The following ASTN2 variants were observed in gnomAD, a reference collection of about 807,000 sequenced individuals.
The protein encoded by ASTN2 is astrotactin 2.
Under a neutral mutation model 139.8 loss-of-function variants are expected in ASTN2, and 54 were observed. The ratio of observed to expected loss-of-function variants is 0.39; its 90% CI spans 0.31 to 0.48. The LOEUF is 0.48. Among genes scored for constraint, ASTN2 ranks in the 20% least tolerant of loss-of-function variants. ASTN2 has a pLI of 0.95. For missense variants in ASTN2, 1,565 were observed against 1,725.1 expected (o/e 0.91, Z 1.64); for synonymous variants, 756 against 719.5 (o/e 1.05, Z -0.81).
At chr9:116,935,295 A>G (rs1187315754) in intron 10 of ASTN2, among the ~76,000 whole-genome samples, 1 of 152,226 alleles carries the variant, frequency 6.6e-6, no homozygotes, top group African/African-American at 2.4e-5. Context: ...ATACCAGAAT[A>G]TGAGTCTTAT....
chr9:117,238,864 A>G (rs1564497827), intron 2 of ASTN2, among the ~76,000 whole-genome samples: 1 of 152,206 alleles, frequency 6.6e-6, no homozygotes, highest in African/African-American at 2.4e-5. Flanking sequence ...GCAAGGTATC[A>G]CCCTGCCAAG....
intron 13 of ASTN2, among the ~76,000 whole-genome samples, chr9:116,777,293 A>G (rs977859915): frequency 6.6e-6 from 1 of 152,110 alleles, no homozygotes; most frequent in Non-Finnish European, 1.5e-5. Flanking sequence ...GGGAAGGTAC[A>G]TTTTTTAGAT....
chr9:117,225,094 G>C (rs555334969), intron 2 of ASTN2, among the ~76,000 whole-genome samples: 3 of 152,104 alleles, frequency 2.0e-5, no homozygotes, highest in South Asian at 4.1e-4. Context: ...TTTATTTCTG[G>C]TTGAATTTGA....
chr9:117,402,926 C>T (rs895115433), intron 1 of ASTN2, among the ~76,000 whole-genome samples: 1 of 151,930 alleles, frequency 6.6e-6, no homozygotes, highest in Non-Finnish European at 1.5e-5. Context: ...GCCAGGTGAA[C>T]GAGGAATACA....
At chr9:116,602,426 A>C (rs1204248627) in intron 19 of ASTN2, among the ~76,000 whole-genome samples, 2 of 152,174 alleles carry the variant, frequency 1.3e-5, no homozygotes, top group Non-Finnish European at 2.9e-5. Context: ...AAGGAGAGAG[A>C]TTATATGTAG....
At chr9:116,836,739 C>A (rs1213808511) in intron 11 of ASTN2, among the ~76,000 whole-genome samples, 2 of 152,028 alleles carry the variant, frequency 1.3e-5, no homozygotes, top group Non-Finnish European at 2.9e-5. Context: ...AAGGCTTCAG[C>A]TGGTCTGCAA....
Position 116,627,017 on chromosome 9 carries a change from G to A in ASTN2, c.3073-6574C>T, listed in dbSNP as rs534248997. ...AGGAGATAGGGCACAGGGGCTGGAGGCCCCATTCCTTAGGAATGAAACAAG... is the reference window on the plus strand; with the variant it reads ...AGGAGATAGGGCACAGGGGCTGGAGACCCCATTCCTTAGGAATGAAACAAG... On this transcript the variant is annotated intron_variant, in intron 17 of 22. Coordinates refer to ENST00000313400, the MANE Select transcript of ASTN2 (RefSeq NM_001365068.1). 4.6e-5 allele frequency among the ~76,000 whole-genome samples: 7 copies of A among 152,300 alleles called. No homozygotes were observed. In the South Asian group the frequency reaches 1.2e-3, roughly 27 times the overall value.
At chr9:117,284,162 G>A (rs757253158) in intron 2 of ASTN2, among the ~76,000 whole-genome samples, 4 of 152,162 alleles carry the variant, frequency 2.6e-5, no homozygotes, top group East Asian at 1.9e-4. Flanking sequence ...AGAGTGCAGC[G>A]GCATGATCTC....
intron 18 of ASTN2, among the ~76,000 whole-genome samples, chr9:116,619,520 T>C (rs10983274): frequency 0.12 from 17,552 of 151,738 alleles, 1,071 homozygotes; most frequent in East Asian, 0.15. Context: ...CACATTTTTC[T>C]TATTAAAAAA....
intron 10 of ASTN2, among the ~76,000 whole-genome samples, chr9:116,924,260 A>AT (rs1240949732): frequency 0.018 from 2,680 of 147,670 alleles, 35 homozygotes; most frequent in Non-Finnish European, 0.024. Flanking sequence ...AATATAAAAA[A>AT]AAAAAAAAAA....
At chr9:116,844,564 G>C (rs1250513144) in intron 11 of ASTN2, among the ~76,000 whole-genome samples, 1 of 150,556 alleles carries the variant, frequency 6.6e-6, no homozygotes, top group South Asian at 2.1e-4. Flanking sequence ...AAAGTAAAAT[G>C]AGCCTAATTA....
intron 4 of ASTN2, among the ~76,000 whole-genome samples, chr9:117,112,910 A>G (rs757215466): frequency 3.5e-4 from 54 of 152,188 alleles, no homozygotes; most frequent in Non-Finnish European, 6.9e-4. Flanking sequence ...CAATACAAGG[A>G]GATAAGCAAA....
At chr9:116,989,793 A>G (rs1204994422) in intron 7 of ASTN2, among the ~76,000 whole-genome samples, 2 of 152,118 alleles carry the variant, frequency 1.3e-5, no homozygotes, top group Non-Finnish European at 2.9e-5. Flanking sequence ...CATGTTGGCC[A>G]GGTTAGTCTC....
intron 11 of ASTN2, among the ~76,000 whole-genome samples, chr9:116,853,834 C>G (rs1045873226): frequency 2.6e-5 from 4 of 152,158 alleles, no homozygotes; most frequent in African/African-American, 9.7e-5. Flanking sequence ...TTCTGGGAAT[C>G]TCTTCTAAAG....
rs528320140 is a variant in ASTN2 at position 117,377,663 on chromosome 9, A to T, written c.442+36834T>A. On this transcript the variant is annotated intron_variant, in intron 1 of 22. Coordinates refer to ENST00000313400, the MANE Select transcript of ASTN2 (RefSeq NM_001365068.1). ...AAGCTATATATAAATATATATATATAATATATACACAAAAAAGTTCACTGT... is the reference window on the plus strand; with the variant it reads ...AAGCTATATATAAATATATATATATTATATATACACAAAAAAGTTCACTGT... 2.1e-3 allele frequency among the ~76,000 whole-genome samples: 312 copies of T among 151,348 alleles called. 2 individuals carry two copies. The highest frequency in any genetic ancestry group is 6.9e-3 in the African/African-American group (285 of 41,394).
At chr9:117,079,909 T>A (rs1828381434) in intron 5 of ASTN2, among the ~76,000 whole-genome samples, 1 of 152,278 alleles carries the variant, frequency 6.6e-6, no homozygotes, top group South Asian at 2.1e-4. Context: ...CTAAGTTTGT[T>A]GCTTTTATTA....
At chr9:117,030,017 A>AT (rs914816757) in intron 6 of ASTN2, among the ~76,000 whole-genome samples, 3 of 131,252 alleles carry the variant, frequency 2.3e-5, no homozygotes, top group African/African-American at 5.3e-5. Flanking sequence ...ATGTTTTTAG[A>AT]TTTAAAAAAA....
At chr9:116,451,855 T>C (rs1222451289) in intron 20 of ASTN2, among the ~76,000 whole-genome samples, 1 of 151,476 alleles carries the variant, frequency 6.6e-6, no homozygotes, top group Non-Finnish European at 1.5e-5. Context: ...CATTCACTCA[T>C]CAAATATGAG....
At chr9:117,227,484 A>G (rs773491659) in intron 2 of ASTN2, among the ~76,000 whole-genome samples, 90 of 152,132 alleles carry the variant, frequency 5.9e-4, no homozygotes, top group Non-Finnish European at 1.1e-3. Flanking sequence ...GGGTGGATGG[A>G]TGGATGGATG....
Sources: allele counts gnomAD v4.1 joint callset (sites outside exome capture counted in the v4.1 genomes callset), GRCh38; gene constraint gnomAD v4.1.1; transcripts MANE v1.5; gene names NCBI Gene and HGNC (gene_info 2026-07-23, HGNC 2026-07-21).